Variants in EYS observed in about 807,000 individuals in gnomAD.
EYS encodes the protein EGF-like photoreceptor maintenance factor.
Under a neutral mutation model 282.1 loss-of-function variants are expected in EYS, and 250 were observed. That is an observed-to-expected ratio of 0.89 (90% CI 0.80 to 0.98). The LOEUF is 0.98. Among genes scored for constraint, EYS ranks in the 50% least tolerant of loss-of-function variants. The pLI is 0.00. For missense variants in EYS, 4,016 were observed against 3,709.0 expected, an observed-to-expected ratio of 1.08 and a Z score of -2.15; for synonymous variants, 1,355 against 1,282.9, an observed-to-expected ratio of 1.06 and a Z score of -1.20.
In EYS at chr6:64,902,385, C is replaced by CT; in HGVS notation, c.2738+18dup. The CT allele has an allele frequency of 6.7e-7, 1 of 1,500,988 alleles. No individual in the cohort carries two copies. Among genetic ancestry groups the CT allele is most frequent in the South Asian group, 1.3e-5 (1 of 79,538 alleles). 93.0% of individuals were successfully genotyped at this position (1,500,988 alleles called of 1,614,324 possible). A position where few individuals can be genotyped will look rare whatever the true frequency, so the allele number is the denominator to read the frequency against. ...AGACACATAAACATGTATCTAGATA[C>CT]TTTTTAAGTTTTCTGTACCTGAAAT... On this transcript the variant is annotated intron_variant, in intron 17 of 42. Transcript: ENST00000503581.
chr6:65,528,968 A>G (rs1431288550), intron 2 of EYS, among the ~76,000 whole-genome samples: 1 of 152,210 alleles, frequency 6.6e-6, no homozygotes, highest in Non-Finnish European at 1.5e-5. Context: ...ATGATTCAAG[A>G]GAAAGATAAG....
chr6:65,143,499 A>C (rs1344971217), intron 12 of EYS, among the ~76,000 whole-genome samples: 1 of 152,072 alleles, frequency 6.6e-6, no homozygotes, highest in Non-Finnish European at 1.5e-5. Context: ...TTTAGATAAC[A>C]AAAATATTAT....
intron 5 of EYS, among the ~76,000 whole-genome samples, chr6:65,411,775 C>T (rs1382275139): frequency 6.6e-6 from 1 of 151,304 alleles, no homozygotes; most frequent in Non-Finnish European, 1.5e-5. Flanking sequence ...TGTTATAATG[C>T]CCTTGAGATA....
intron 35 of EYS, among the ~76,000 whole-genome samples, chr6:63,898,258 G>A (rs974774044): frequency 1.3e-5 from 2 of 152,148 alleles, no homozygotes; most frequent in Non-Finnish European, 2.9e-5. Flanking sequence ...GGAGGCTGAG[G>A]CGGGTGGGTC....
intron 19 of EYS, among the ~76,000 whole-genome samples, chr6:64,885,508 G>T (rs1767058558): frequency 6.6e-6 from 1 of 151,706 alleles, no homozygotes; most frequent in Non-Finnish European, 1.5e-5. Context: ...AAGGTGAATG[G>T]CATTGCTGAG....
At chr6:63,813,128 G>A (rs754688692) in intron 36 of EYS, among the ~76,000 whole-genome samples, 12 of 151,890 alleles carry the variant, frequency 7.9e-5, no homozygotes, top group African/African-American at 1.5e-4. Flanking sequence ...ACAGGCATCC[G>A]CCACCATGCC....
chr6:65,497,241 A>G (rs1043708367), intron 2 of EYS, among the ~76,000 whole-genome samples: 4 of 152,082 alleles, frequency 2.6e-5, no homozygotes, highest in Non-Finnish European at 5.9e-5. Context: ...TAGGGTATCA[A>G]TGGAAGGAAT....
chr6:64,875,395 C>G (rs1232019238), intron 19 of EYS, among the ~76,000 whole-genome samples: 1 of 152,076 alleles, frequency 6.6e-6, no homozygotes, highest in Non-Finnish European at 1.5e-5. Context: ...TGAGTTCTCA[C>G]TTATGGTTAG....
chr6:63,756,280 T>G (rs1467873401), intron 41 of EYS, among the ~76,000 whole-genome samples: 1 of 152,204 alleles, frequency 6.6e-6, no homozygotes, highest in Non-Finnish European at 1.5e-5. Context: ...TAAATAGCTC[T>G]TATTATTTTG....
intron 22 of EYS, among the ~76,000 whole-genome samples, chr6:64,770,271 G>A (rs1773485434): frequency 6.6e-6 from 1 of 151,962 alleles, no homozygotes; most frequent in Middle Eastern, 3.4e-3. Flanking sequence ...TATACAAACA[G>A]GAATAGAAAT....
chr6:63,913,910 A>G (rs752468025), intron 35 of EYS, among the ~76,000 whole-genome samples: 11 of 152,274 alleles, frequency 7.2e-5, no homozygotes, highest in East Asian at 1.9e-4. Flanking sequence ...CCAACAGCGT[A>G]TGCTTCTTTC....
chr6:64,868,508 C>T (rs544322490), intron 19 of EYS, among the ~76,000 whole-genome samples: 1 of 151,366 alleles, frequency 6.6e-6, no homozygotes, highest in South Asian at 2.1e-4. Context: ...TGAATTATAC[C>T]CTAATCTATG....
In EYS at chr6:64,351,275, C is replaced by T. The variant is rs140960516; in HGVS notation, c.6078+37415G>A. Among the ~76,000 whole-genome samples the T allele has an allele frequency of 3.1e-3, 471 of 151,526 alleles. 2 individuals are homozygous for T. The highest frequency in any genetic ancestry group is 0.011 in the African/African-American group (438 of 41,442). On this transcript the variant is annotated intron_variant, in intron 29 of 42. Coordinates refer to ENST00000503581, the MANE Select transcript of EYS (RefSeq NM_001142800.2). ...TTCTGTGATTCTTTTAGTCTTATTT[C>T]AGTCTATGCAAGTTTTATTTTTGTC...
intron 30 of EYS, among the ~76,000 whole-genome samples, chr6:64,240,313 G>C (rs1341128816): frequency 1.3e-5 from 2 of 152,136 alleles, no homozygotes; most frequent in African/African-American, 2.4e-5. Context: ...TAGCTTGATA[G>C]GGATAGCATG....
At chr6:64,026,263 C>G (rs2149824356) in intron 33 of EYS, among the ~76,000 whole-genome samples, 1 of 152,130 alleles carries the variant, frequency 6.6e-6, no homozygotes, top group East Asian at 1.9e-4. Flanking sequence ...GTGAGTGCAA[C>G]TATTCCGATC....
intron 22 of EYS, among the ~76,000 whole-genome samples, chr6:64,752,011 A>C (rs1159476445): frequency 3.3e-5 from 5 of 152,160 alleles, no homozygotes; most frequent in African/African-American, 1.2e-4. Flanking sequence ...AAAAATAAGA[A>C]TAGACAGTTT....
At chr6:64,023,810 CG>C (rs1562157416) in intron 33 of EYS, among the ~76,000 whole-genome samples, 1 of 152,148 alleles carries the variant, frequency 6.6e-6, no homozygotes, top group African/African-American at 2.4e-5. Flanking sequence ...GGCTGTGCCG[CG>C]GTGTTTGCGG....
chr6:64,982,994 AT>A (rs1271631788), intron 14 of EYS, among the ~76,000 whole-genome samples: 1 of 151,260 alleles, frequency 6.6e-6, no homozygotes, highest in Non-Finnish European at 1.5e-5. Context: ...TGAGAAATGG[AT>A]GTCAAGCATA....
At chr6:65,000,927 A>G (rs1054901135) in intron 13 of EYS, among the ~76,000 whole-genome samples, 3 of 152,224 alleles carry the variant, frequency 2.0e-5, no homozygotes, top group African/African-American at 7.2e-5. Flanking sequence ...GAGTTCCCTG[A>G]TCCCTCTCGC....
Sources: allele counts gnomAD v4.1 joint callset (sites outside exome capture counted in the v4.1 genomes callset), GRCh38; gene constraint gnomAD v4.1.1; transcripts MANE v1.5; gene names NCBI Gene and HGNC (gene_info 2026-07-23, HGNC 2026-07-21).